Variants in DAPK2 observed in about 807,000 individuals in gnomAD.
The protein encoded by DAPK2 is death associated protein kinase 2, also known as death-associated protein kinase 2.
DAPK2 carries 35 observed loss-of-function variants against 44.1 expected under a neutral mutation model. The ratio of observed to expected loss-of-function variants is 0.79; its 90% CI spans 0.61 to 1.05. The LOEUF (loss-of-function observed/expected upper bound fraction) is 1.05. Ranked by LOEUF, DAPK2 falls within the 50% of genes least tolerant of loss-of-function variation. The probability of loss-of-function intolerance (pLI) is 0.00; values close to 1 mark genes in which losing one functional copy is unlikely to be tolerated. For missense variants in DAPK2, 453 were observed against 483.2 expected (o/e 0.94, Z 0.59); for synonymous variants, 174 against 182.6 (o/e 0.95, Z 0.38).
chr15:64,019,742 G>A (rs146503305), intron 1 of DAPK2, among the ~76,000 whole-genome samples: 155 of 152,276 alleles, frequency 1.0e-3, no homozygotes, highest in Non-Finnish European at 2.0e-3. Flanking sequence ...GAATAAGCCA[G>A]CCAGACAGTG....
intron 1 of DAPK2, among the ~76,000 whole-genome samples, chr15:64,037,565 T>C (rs2141196363): frequency 6.6e-6 from 1 of 152,344 alleles, no homozygotes; most frequent in Middle Eastern, 3.4e-3. Context: ...TGTGTCTGTT[T>C]TGTTTTCCAC....
upstream of DAPK2, chr15:64,046,346 AGCGGCGGGCGCGGCGGGC>A (rs542332756): frequency 2.7e-4 from 49 of 184,448 alleles, 1 homozygote; most frequent in Middle Eastern, 2.0e-3. The surrounding 1 kb of genome is among the most constrained non-coding windows in gnomAD (Gnocchi z 5.3). Flanking sequence ...GCGCGGCGGG[AGCGGCGGGCGCGGCGGGC>A]GCGGCGGGCG....
At chr15:63,994,491 A>C (rs949613319) in intron 1 of DAPK2, among the ~76,000 whole-genome samples, 4 of 145,428 alleles carry the variant, frequency 2.8e-5, no homozygotes, top group African/African-American at 9.9e-5. Context: ...GAAGCTAAAA[A>C]ATGTTCCTTA....
chr15:64,028,256 G>A lies in DAPK2; in HGVS notation c.92+11914C>T, dbSNP rs546021153. 1.4e-4 allele frequency among the ~76,000 whole-genome samples: 21 copies of A among 152,178 alleles called. No individual in the cohort carries two copies. In the East Asian group the frequency reaches 3.7e-3, roughly 27 times the overall value. ...GTATTTTTAGTAGAGATGGGGTTTC[G>A]CCATGTTGGCCATACTTGTCTTGAA... On this transcript the variant is annotated intron_variant, in intron 1 of 10. Coordinates refer to ENST00000261891, the Ensembl canonical transcript of DAPK2.
chr15:63,949,905 T>C (rs2077543317), intron 3 of DAPK2, among the ~76,000 whole-genome samples: 1 of 152,242 alleles, frequency 6.6e-6, no homozygotes, highest in East Asian at 1.9e-4. Context: ...TTTAATGATG[T>C]CTATTGTATT....
At chr15:63,952,069 A>G (rs2077603423) in intron 3 of DAPK2, among the ~76,000 whole-genome samples, 1 of 152,052 alleles carries the variant, frequency 6.6e-6, no homozygotes, top group South Asian at 2.1e-4. Context: ...GTGAAAACCC[A>G]TCTCTACTAA....
chr15:63,992,410 C>A (rs757125573), intron 1 of DAPK2, among the ~76,000 whole-genome samples: 1 of 152,096 alleles, frequency 6.6e-6, no homozygotes, highest in Non-Finnish European at 1.5e-5. Context: ...TAACTGTCCA[C>A]TCACCTATCC....
intron 1 of DAPK2, among the ~76,000 whole-genome samples, chr15:64,017,045 G>GA (rs1490926389): frequency 1.1e-4 from 17 of 152,130 alleles, no homozygotes; most frequent in African/African-American, 4.1e-4. Flanking sequence ...TGCTGTTGTG[G>GA]ATACAAAGAG....
At chr15:64,039,385 A>G (rs1000868816) in intron 1 of DAPK2, among the ~76,000 whole-genome samples, 2 of 152,188 alleles carry the variant, frequency 1.3e-5, no homozygotes, top group Admixed American at 6.5e-5. Flanking sequence ...TGGCTATGTC[A>G]CTCACTGGCT....
Position 63,948,270 on chromosome 15 carries a change from CAAAAAAAAAAAA to C in DAPK2, c.454-8921_454-8910del, listed in dbSNP as rs3056984. On this transcript the variant is annotated intron_variant, in intron 3 of 10. Coordinates refer to ENST00000261891, the Ensembl canonical transcript of DAPK2. Reference sequence around the variant, plus strand: ...TGCATGATGGAGTGAGACTCCATCTCAAAAAAAAAAAAAAAAAAAAAAAAAAAAAGATTTAAC... The same window carrying C: ...TGCATGATGGAGTGAGACTCCATCTCAAAAAAAAAAAAAAAAAGATTTAAC... Among the ~76,000 whole-genome samples, 318 of 51,920 alleles carry C rather than the reference CAAAAAAAAAAAA, an allele frequency of 6.1e-3. 8 individuals carry two copies. Among genetic ancestry groups the C allele is most frequent in the African/African-American group, 0.026 (308 of 11,836 alleles). The allele number at this position is 51,920 out of a possible 152,430, so 34.1% of individuals were successfully genotyped here. A position where few individuals can be genotyped will look rare whatever the true frequency, so the allele number is the denominator to read the frequency against.
At chr15:63,937,268 G>A (rs1385011029) in intron 4 of DAPK2, among the ~76,000 whole-genome samples, 5 of 152,140 alleles carry the variant, frequency 3.3e-5, no homozygotes, top group Non-Finnish European at 7.4e-5. Context: ...AGCCAATGAG[G>A]TATATGTCTT....
At chr15:64,027,261 G>A (rs1027420108) in intron 1 of DAPK2, among the ~76,000 whole-genome samples, 1 of 152,150 alleles carries the variant, frequency 6.6e-6, no homozygotes, top group Admixed American at 6.5e-5. Context: ...GTGTGTGCCT[G>A]TAATCTCAGC....
At chr15:64,002,478 A>G (rs2079108202) in intron 1 of DAPK2, among the ~76,000 whole-genome samples, 1 of 152,222 alleles carries the variant, frequency 6.6e-6, no homozygotes, top group Non-Finnish European at 1.5e-5. Flanking sequence ...TAATTTGTCC[A>G]TAATAGTAAA....
chr15:63,988,438 C>T (rs1251207081), intron 1 of DAPK2, among the ~76,000 whole-genome samples: 1 of 151,968 alleles, frequency 6.6e-6, no homozygotes, highest in Non-Finnish European at 1.5e-5. Flanking sequence ...GGGCATGAAC[C>T]AAATGTCACA....
intron 3 of DAPK2, among the ~76,000 whole-genome samples, chr15:63,957,963 A>G (rs2077774043): frequency 6.6e-6 from 1 of 152,222 alleles, no homozygotes; most frequent in African/African-American, 2.4e-5. Flanking sequence ...ACCAGTTTAC[A>G]GTCCCACCAA....
chr15:63,941,628 C>CT (rs146392545), intron 3 of DAPK2, among the ~76,000 whole-genome samples: 2,892 of 151,802 alleles, frequency 0.019, 78 homozygotes, highest in African/African-American at 0.067. Context: ...GCTTTTTTTC[C>CT]TTTTTTTAAA....
intron 1 of DAPK2, among the ~76,000 whole-genome samples, chr15:64,001,970 C>G (rs1316641773): frequency 6.6e-6 from 1 of 152,192 alleles, no homozygotes. Context: ...TGAACAAACA[C>G]AAATTAATAA....
intron 1 of DAPK2, among the ~76,000 whole-genome samples, chr15:64,012,105 G>A (rs1595889888): frequency 6.6e-6 from 1 of 152,144 alleles, no homozygotes; most frequent in African/African-American, 2.4e-5. Context: ...GTACCATAAG[G>A]AATCTTAAAA....
intron 1 of DAPK2, 138 bp from the exon 3 acceptor site, chr15:63,983,892 C>A: frequency 1.3e-6 from 1 of 778,640 alleles, no homozygotes; most frequent in Non-Finnish European, 2.1e-6. Flanking sequence ...TCTGCATCCC[C>A]ACCTGATGAC....
Sources: allele counts gnomAD v4.1 joint callset (sites outside exome capture counted in the v4.1 genomes callset), GRCh38; gene constraint gnomAD v4.1.1; non-coding constraint Gnocchi (gnomAD v3.1); transcripts MANE v1.5; gene names NCBI Gene and HGNC (gene_info 2026-07-23, HGNC 2026-07-21).